The following FMNL2 variants were observed in gnomAD, a reference collection of about 807,000 sequenced individuals.
FMNL2 encodes the protein formin-like protein 2.
In FMNL2, 51 loss-of-function variants were observed where a neutral mutation model predicts 130.2. The ratio of observed to expected loss-of-function variants is 0.39; its 90% CI spans 0.31 to 0.49. The LOEUF (loss-of-function observed/expected upper bound fraction) is 0.49. Among genes scored for constraint, FMNL2 ranks in the 20% least tolerant of loss-of-function variants. FMNL2 has a pLI of 0.85. For synonymous variants in FMNL2, 465 were observed against 467.1 expected (o/e 1.00, Z 0.06); for missense variants, 977 against 1,316.2 (o/e 0.74, Z 3.99).
At chr2:152,584,067 C>A (rs1431435483) in intron 9 of FMNL2, among the ~76,000 whole-genome samples, 2 of 151,784 alleles carry the variant, frequency 1.3e-5, no homozygotes, top group Non-Finnish European at 2.9e-5. Flanking sequence ...CATGCAATGC[C>A]GCTCACAGCT....
At chr2:152,471,564 G>A (rs1174282686) in intron 1 of FMNL2, among the ~76,000 whole-genome samples, 10 of 152,122 alleles carry the variant, frequency 6.6e-5, no homozygotes, top group Non-Finnish European at 1.2e-4. Context: ...GTGGGCGTCC[G>A]GCGCCTGGTT....
intron 1 of FMNL2, among the ~76,000 whole-genome samples, chr2:152,434,308 CA>C (rs1350952800): frequency 4.6e-5 from 7 of 152,156 alleles, no homozygotes; most frequent in African/African-American, 1.7e-4. Context: ...TTACAAATGG[CA>C]GGGGGTATGG....
chr2:152,604,294 C>T (rs953827902), intron 9 of FMNL2, among the ~76,000 whole-genome samples: 2 of 151,038 alleles, frequency 1.3e-5, no homozygotes, highest in African/African-American at 4.8e-5. Context: ...AACCTTTCAT[C>T]AGGTTAGAGA....
rs187687155 is a variant in FMNL2, at chr2:152,443,292, G to A, written c.118-78651G>A. 2.6e-4 allele frequency among the ~76,000 whole-genome samples: 39 copies of A among 152,208 alleles called. No individual in the cohort carries two copies. In the East Asian group the frequency reaches 6.8e-3, roughly 26 times the overall value. Reference sequence around the variant, plus strand: ...GTGTGTGGAGACCTGCAAGTCTGTCGGTGCACTAGCCTTCACTTCAGTGGG... The same window carrying A: ...GTGTGTGGAGACCTGCAAGTCTGTCAGTGCACTAGCCTTCACTTCAGTGGG... On this transcript the variant is annotated intron_variant, in intron 1 of 25. Transcript: ENST00000288670.
At chr2:152,430,423 A>T (rs1460062677) in intron 1 of FMNL2, among the ~76,000 whole-genome samples, 1 of 152,178 alleles carries the variant, frequency 6.6e-6, no homozygotes, top group Admixed American at 6.5e-5. Flanking sequence ...AACTCATTTA[A>T]TTGGAGATGA....
intron 12 of FMNL2, among the ~76,000 whole-genome samples, chr2:152,615,504 G>A (rs1206702874): frequency 2.0e-5 from 3 of 152,128 alleles, no homozygotes; most frequent in Non-Finnish European, 2.9e-5. Flanking sequence ...ACATCGGTGT[G>A]CTTTCTCATA....
At chr2:152,484,719 G>A (rs1690721551) in intron 1 of FMNL2, among the ~76,000 whole-genome samples, 14 of 152,132 alleles carry the variant, frequency 9.2e-5, no homozygotes, top group African/African-American at 3.4e-4. Context: ...CCATGATGGT[G>A]CCCCTGCACT....
chr2:152,385,332 G>A (rs1231538911), intron 1 of FMNL2, among the ~76,000 whole-genome samples: 1 of 152,226 alleles, frequency 6.6e-6, no homozygotes, highest in Non-Finnish European at 1.5e-5. Context: ...AAGGCAGTTT[G>A]TAGGGAGGGA....
intron 1 of FMNL2, among the ~76,000 whole-genome samples, chr2:152,372,467 C>T (rs1360038575): frequency 2.6e-5 from 4 of 152,184 alleles, no homozygotes; most frequent in Admixed American, 6.5e-5. Flanking sequence ...TAGAGTTTGA[C>T]ATAGGGTTCT....
intron 9 of FMNL2, among the ~76,000 whole-genome samples, chr2:152,603,200 T>C (rs773707277): frequency 1.3e-5 from 2 of 152,082 alleles, no homozygotes; most frequent in Non-Finnish European, 2.9e-5. Flanking sequence ...GTTCATTAGT[T>C]GAGATTGGCA....
chr2:152,563,735 C>T (rs1160785065), intron 6 of FMNL2, among the ~76,000 whole-genome samples: 1 of 152,024 alleles, frequency 6.6e-6, no homozygotes, highest in African/African-American at 2.4e-5. Flanking sequence ...ATTGTCTTCT[C>T]CTCTTCTACT....
rs191983098 is a variant in FMNL2, at chr2:152,346,606, C to A, written c.117+10886C>A. 1.6e-4 allele frequency among the ~76,000 whole-genome samples: 24 copies of A among 152,044 alleles called. No individual in the cohort carries two copies. The Middle Eastern group carries it at 0.01, about 65-fold the overall frequency. On this transcript the variant is annotated intron_variant, in intron 1 of 25. Coordinates refer to ENST00000288670, the MANE Select transcript of FMNL2 (RefSeq NM_052905.4). ...CCCAGCAGTTCGAGGCTGAAGTGAG[C>A]TGTAATCATGCCACTGTACTACGGC...
chr2:152,628,841 G>T (rs1295429812), intron 18 of FMNL2, among the ~76,000 whole-genome samples: 1 of 152,126 alleles, frequency 6.6e-6, no homozygotes, highest in Non-Finnish European at 1.5e-5. Context: ...CTCAAACTTG[G>T]TTCCTCTCTG....
At chr2:152,533,284 A>G (rs189848536) in intron 2 of FMNL2, among the ~76,000 whole-genome samples, 81 of 152,296 alleles carry the variant, frequency 5.3e-4, no homozygotes, top group Non-Finnish European at 1.0e-3. Context: ...CTGTCTATCT[A>G]TCATCTGTCT....
At chr2:152,538,151 C>T (rs1694098299) in intron 2 of FMNL2, among the ~76,000 whole-genome samples, 1 of 152,160 alleles carries the variant, frequency 6.6e-6, no homozygotes, top group Non-Finnish European at 1.5e-5. Flanking sequence ...GAATCATCTA[C>T]ATGATGGATT....
At chr2:152,577,356 G>A (rs541185825) in intron 7 of FMNL2, among the ~76,000 whole-genome samples, 37 of 152,208 alleles carry the variant, frequency 2.4e-4, no homozygotes, top group African/African-American at 7.0e-4. Context: ...ATTCTGTTTC[G>A]GGGATTTTAA....
chr2:152,557,338 G>A (rs1695276912), intron 4 of FMNL2, among the ~76,000 whole-genome samples: 1 of 152,150 alleles, frequency 6.6e-6, no homozygotes, highest in Admixed American at 6.5e-5. Flanking sequence ...TGCCACCGTT[G>A]CCACTCCAGG....
intron 9 of FMNL2, among the ~76,000 whole-genome samples, chr2:152,606,652 T>C: frequency 1.0e-5 from 1 of 96,754 alleles, no homozygotes; most frequent in African/African-American, 3.7e-5. Flanking sequence ...TTTTTTTTTT[T>C]AGCTCCATGT....
rs530003529 is a variant in FMNL2, at chr2:152,379,097, G to A, written c.117+43377G>A. 4.7e-4 allele frequency among the ~76,000 whole-genome samples: 71 copies of A among 150,242 alleles called. No homozygotes were observed. In the Middle Eastern group the frequency reaches 0.024, roughly 50 times the overall value. ...TTCTAATATTCTTTGAAAACTTTGAGATCAGCAGAGATGCTGAGCCCTGCT... is the reference window on the plus strand; with the variant it reads ...TTCTAATATTCTTTGAAAACTTTGAAATCAGCAGAGATGCTGAGCCCTGCT... On this transcript the variant is annotated intron_variant, in intron 1 of 25. Transcript: ENST00000288670.
Sources: allele counts gnomAD v4.1 joint callset (sites outside exome capture counted in the v4.1 genomes callset), GRCh38; gene constraint gnomAD v4.1.1; transcripts MANE v1.5; gene names NCBI Gene and HGNC (gene_info 2026-07-23, HGNC 2026-07-21).